HRG: variants seen among roughly 807,000 people sequenced by gnomAD.
HRG encodes histidine-rich glycoprotein.
HRG carries 26 observed loss-of-function variants against 29.5 expected under a neutral mutation model. That is an observed-to-expected ratio of 0.88 (90% CI 0.65 to 1.22). The LOEUF is 1.22. HRG is among the 50% of genes most tolerant of loss of function. The probability of loss-of-function intolerance (pLI) is 0.00; values close to 1 mark genes in which losing one functional copy is unlikely to be tolerated. For missense variants in HRG, 671 were observed against 654.5 expected (o/e 1.03, Z -0.28); for synonymous variants, 243 against 240.4 (o/e 1.01, Z -0.10).
chr3:186,678,116 T>G lies in HRG; in HGVS notation c.*233T>G, dbSNP rs1225512615. Reference sequence around the variant, plus strand: ...TTCTGTCACTCACCACTACATCACTTGAGACAAATCTATGCCACTCAGAAT... The same window carrying G: ...TTCTGTCACTCACCACTACATCACTGGAGACAAATCTATGCCACTCAGAAT... On this transcript the variant is annotated 3_prime_UTR_variant, in exon 7 of 7. Transcript: ENST00000232003. 2.3e-5 allele frequency: 12 copies of G among 510,872 alleles called. No homozygotes were observed. The highest frequency in any genetic ancestry group is 3.5e-6 in the Non-Finnish European group (1 of 284,044). 31.6% of individuals were successfully genotyped at this position (510,872 alleles called of 1,614,324 possible).
At chr3:186,668,431 A>G (rs549585033) in intron 1 of HRG, among the ~76,000 whole-genome samples, 12 of 152,322 alleles carry the variant, frequency 7.9e-5, no homozygotes, top group Non-Finnish European at 1.5e-4. Flanking sequence ...GTTTTACCCC[A>G]GAGTCTAAGG....
At chr3:186,671,588 C>T (rs371964213) in intron 3 of HRG, 35 bp from the exon 4 acceptor site, 1 of 1,603,832 alleles carries the variant, frequency 6.2e-7, no homozygotes, top group Non-Finnish European at 8.5e-7. Context: ...ACATTTCCAG[C>T]CCTTTACTGT....
In HRG at chr3:186,677,015, G is replaced by A. The variant is rs750833379; in HGVS notation, c.742-32G>A. On this transcript the variant is annotated intron_variant, in intron 6 of 6. Transcript: ENST00000232003. The stretch of plus-strand genomic sequence containing the variant: ...TCTAACATCTTCTTTTATGTTACAT[G>A]ATGATAGGCACTTTTCTGTGACCTT... 7.4e-6 allele frequency: 12 copies of A among 1,613,644 alleles called. No homozygotes were observed. The East Asian group carries it at 2.5e-4, about 33-fold the overall frequency.
chr3:186,676,521 T>C lies in HRG; in HGVS notation c.742-526T>C, dbSNP rs1186448926. Among the ~76,000 whole-genome samples the C allele has an allele frequency of 2.6e-5, 4 of 151,984 alleles. No individual in the cohort carries two copies. The East Asian group carries it at 5.8e-4, about 22-fold the overall frequency. ...TGGGCATGGTGGCTCATGCCTGTAA[T>C]CCCAGCACTTTGGGAAGCTGAGATG... On this transcript the variant is annotated intron_variant, in intron 6 of 6. Coordinates refer to ENST00000232003, the MANE Select transcript of HRG (RefSeq NM_000412.5).
rs530257805 is a variant in HRG, at chr3:186,675,608, T to C, written c.741+418T>C. 2.0e-5 allele frequency among the ~76,000 whole-genome samples: 3 copies of C among 152,304 alleles called. No homozygotes were observed. The South Asian group carries it at 6.2e-4, about 32-fold the overall frequency. On this transcript the variant is annotated intron_variant, in intron 6 of 6. Transcript: ENST00000232003. The stretch of plus-strand genomic sequence containing the variant: ...TGAGACTTAGTCATTCCTAAGCTTA[T>C]ATTATTGGGCATAGAATCTAAGAGG...
rs1396374486 is a variant in HRG at position 186,669,698 on chromosome 3, T to G, written c.301-240T>G. 7.4e-6 allele frequency: 4 copies of G among 539,892 alleles called. No individual in the cohort carries two copies. The East Asian group carries it at 1.0e-4, about 13-fold the overall frequency. 33.4% of individuals were successfully genotyped at this position (539,892 alleles called of 1,614,324 possible). On this transcript the variant is annotated intron_variant, in intron 2 of 6. Transcript: ENST00000232003. The stretch of plus-strand genomic sequence containing the variant: ...TTTTCCCTTGAAAATGTTTGGGGTA[T>G]GGCCATGATGCTTTAAATAGTTTCT...
At chr3:186,668,877 A>AG in intron 1 of HRG, 58 bp from the exon 2 acceptor site, 1 of 952,626 alleles carries the variant, frequency 1.0e-6, no homozygotes, top group South Asian at 1.4e-5. Context: ...TTAATACATA[A>AG]AAAAAAACCC....
chr3:186,666,363 T>C (rs1035646076), intron 1 of HRG, 149 bp downstream of exon 1: 8 of 755,696 alleles, frequency 1.1e-5, no homozygotes, highest in African/African-American at 1.7e-5. Flanking sequence ...ATTGTTCTTT[T>C]TTCCTTCAAA....
intron 5 of HRG, chr3:186,674,799 C>A (rs1718914739): frequency 5.0e-6 from 2 of 396,326 alleles, no homozygotes; most frequent in South Asian, 2.1e-5. Context: ...AAAGGCAAGG[C>A]AGCAATGATG....
chr3:186,670,798 T>C (rs1429330313), intron 3 of HRG, among the ~76,000 whole-genome samples: 1 of 152,118 alleles, frequency 6.6e-6, no homozygotes, highest in Non-Finnish European at 1.5e-5. Context: ...CTGCCCACCT[T>C]GACCTCCCAA....
Position 186,677,247 on chromosome 3 carries a change from AGGCCCTCCTCCACTATTGCCCATGTC to A in HRG, c.943_968del (p.Gly315LeufsTer20). On this transcript the variant is annotated frameshift_variant, in exon 7 of 7. Coordinates refer to ENST00000232003, the MANE Select transcript of HRG (RefSeq NM_000412.5). LOFTEE classifies it low-confidence loss of function (END_TRUNC). Reference sequence around the variant, plus strand: ...ACTCACATGGACCCCCACTTCCACAAGGCCCTCCTCCACTATTGCCCATGTCCTGCTCAAGTTGTCAACATGCCACT... The same window carrying A: ...ACTCACATGGACCCCCACTTCCACAACTGCTCAAGTTGTCAACATGCCACT... 6.2e-7 allele frequency: 1 copy of A among 1,614,098 alleles called. No individual in the cohort carries two copies. Among genetic ancestry groups the A allele is most frequent in the South Asian group, 1.1e-5 (1 of 91,070 alleles).
intron 5 of HRG, 105 bp downstream of exon 5, chr3:186,672,972 GAGGAAT>G: frequency 1.3e-6 from 1 of 794,488 alleles, no homozygotes; most frequent in East Asian, 2.5e-5. Context: ...AGAAGGAGAA[GAGGAAT>G]GAGAAGGAGA....
chr3:186,668,992 C>T lies in HRG; in HGVS notation c.241C>T (p.Leu81=), dbSNP rs201338810. 6.2e-7 allele frequency: 1 copy of T among 1,612,908 alleles called. No individual in the cohort carries two copies. Among genetic ancestry groups the T allele is most frequent in the Non-Finnish European group, 8.5e-7 (1 of 1,178,880 alleles). ...LDVQESDCSV[L]SRKYWNDCEP... is the part of the protein sequence containing the mutation. ...TGTGCAAGAATCGGACTGTTCGGTC[C>T]TATCCAGGAAATACTGGAATGACTG... is the stretch of plus-strand genomic sequence containing the variant. The change falls in exon 2 of 7, where the codon CTA becomes TTA. Residue 81 remains leucine (L), a synonymous_variant. Coordinates refer to ENST00000232003, the MANE Select transcript of HRG (RefSeq NM_000412.5).
At chr3:186,676,908 G>A (rs1719010378) in intron 6 of HRG, 139 bp from the exon 7 acceptor site, 4 of 915,800 alleles carry the variant, frequency 4.4e-6, no homozygotes, top group Non-Finnish European at 5.1e-6. Context: ...ATAACAATTT[G>A]AGAATCTTTT....
chr3:186,676,370 G>GA (rs1010040943), intron 6 of HRG, among the ~76,000 whole-genome samples: 4 of 147,272 alleles, frequency 2.7e-5, no homozygotes, highest in Admixed American at 6.7e-5. Flanking sequence ...TAGTAAAAAT[G>GA]AAAAAAAAAT....
intron 5 of HRG, chr3:186,674,330 C>T (rs1718899183): frequency 6.5e-6 from 1 of 152,810 alleles, no homozygotes; most frequent in South Asian, 2.1e-4. Flanking sequence ...TTAATTAATC[C>T]CTCCCACAAC....
chr3:186,676,155 C>T (rs1718980470), intron 6 of HRG, among the ~76,000 whole-genome samples: 1 of 151,964 alleles, frequency 6.6e-6, no homozygotes, highest in South Asian at 2.1e-4. Context: ...AGACATGAGC[C>T]ACCGTGCCCG....
chr3:186,668,626 G>A (rs192655177), intron 1 of HRG: 120 of 363,422 alleles, frequency 3.3e-4, no homozygotes, highest in South Asian at 2.8e-3. Context: ...TGATGAGGTC[G>A]TCATGACTTA....
chr3:186,674,048 G>T (rs973468905), intron 5 of HRG: 1 of 152,166 alleles, frequency 6.6e-6, no homozygotes, highest in East Asian at 1.9e-4. Flanking sequence ...TAATTATGAT[G>T]CCAAGTCCAG....
Sources: gnomAD v4.1 joint callset for allele counts (sites outside exome capture counted in the v4.1 genomes callset) on GRCh38, gnomAD v4.1.1 for gene constraint, MANE v1.5 for transcripts, NCBI Gene and HGNC (gene_info 2026-07-23, HGNC 2026-07-21) for gene names.